The following NLRP4 variants were observed in gnomAD, a reference collection of about 807,000 sequenced individuals.
The protein encoded by NLRP4 is NLR family pyrin domain containing 4, also known as NACHT, LRR and PYD domains-containing protein 4.
Under a neutral mutation model 84.7 loss-of-function variants are expected in NLRP4, and 44 were observed. The observed-to-expected ratio is 0.52, with a 90% CI of 0.41 to 0.67. NLRP4 has a LOEUF of 0.67. NLRP4 is among the 30% of genes least tolerant of loss of function. The pLI is 0.00. For missense variants in NLRP4, 1,260 were observed against 1,219.4 expected (o/e 1.03, Z -0.50); for synonymous variants, 544 against 476.4 (o/e 1.14, Z -1.85).
At chr19:55,843,843 C>G (rs925530148) in intron 1 of NLRP4, among the ~76,000 whole-genome samples, 1 of 152,094 alleles carries the variant, frequency 6.6e-6, no homozygotes. Flanking sequence ...TCCACAGTCT[C>G]TTTTCTCCTT....
chr19:55,857,590 G>T (rs1439705580), intron 2 of NLRP4, 84 bp from the exon 3 acceptor site: 1 of 1,324,910 alleles, frequency 7.5e-7, no homozygotes, highest in East Asian at 2.3e-5. Flanking sequence ...CCCCTGGAAA[G>T]ATACATCCTG....
At chr19:55,876,896 C>T (rs16986758) in intron 7 of NLRP4, 100 bp from the exon 8 acceptor site, 147,877 of 908,300 alleles carry the variant, frequency 0.16, 12,811 homozygotes, top group Middle Eastern at 0.24. Flanking sequence ...CGGTGCCTAT[C>T]CACATGAATG....
At position 55,858,908 on chromosome 19, in the gene NLRP4, C is replaced by T; in HGVS notation, c.1515C>T (p.Gly505=). ...TTTTTTTGGGGTGTTTTCTAACTGG[C>T]CTTTTAAATAAAAAGGAACAAGAAA... ...HWIFLGCFLT[G]LLNKKEQEKL... Residue 505 remains glycine, a synonymous_variant, in exon 3 of 10, where the codon GGC becomes GGT. Transcript: ENST00000301295. This position sits in a 1 kb window ranked among gnomAD's most constrained non-coding sequence, Gnocchi z 4.2. The T allele has an allele frequency of 6.2e-7, 1 of 1,614,032 alleles. No homozygotes were observed. Among genetic ancestry groups the T allele is most frequent in the East Asian group, 2.2e-5 (1 of 44,890 alleles).
At chr19:55,859,276 T>C (rs778454616) in intron 3 of NLRP4, 27 bp downstream of exon 3, 12 of 1,552,080 alleles carry the variant, frequency 7.7e-6, no homozygotes, top group Non-Finnish European at 9.6e-6. Flanking sequence ...ACTTTTTCTC[T>C]CTTCTCAGAA....
chr19:55,859,236 G>GAACACAGC lies in NLRP4; in HGVS notation c.1844_1851dup (p.Ser618AsnfsTer42). ...TCAAAATGTCTTTAAGAAAGAGGAT[G>GAACACAGC]AACACAGCTCTACGTGAGTCCATCC... On this transcript the variant is annotated frameshift_variant, in exon 3 of 10. Transcript: ENST00000301295. LOFTEE classifies it high-confidence loss of function. 6.2e-7 allele frequency: 1 copy of GAACACAGC among 1,602,316 alleles called. No homozygotes were observed. Among genetic ancestry groups the GAACACAGC allele is most frequent in the Non-Finnish European group, 8.5e-7 (1 of 1,170,464 alleles).
intron 1 of NLRP4, among the ~76,000 whole-genome samples, chr19:55,851,719 C>T (rs144869932): frequency 7.2e-5 from 11 of 151,838 alleles, no homozygotes; most frequent in African/African-American, 2.4e-5. Context: ...TCCGAGGCTG[C>T]GGTGTAATTT....
chr19:55,859,891 C>T (rs548861426), intron 3 of NLRP4, among the ~76,000 whole-genome samples: 1 of 140,366 alleles, frequency 7.1e-6, no homozygotes, highest in Admixed American at 7.4e-5. Flanking sequence ...CGCACCACTG[C>T]CCTCCAGGCT....
chr19:55,858,304 A>C lies in NLRP4; in HGVS notation c.911A>C (p.Glu304Ala). 1 of 1,614,188 alleles carries C rather than the reference A, an allele frequency of 6.2e-7. No individual in the cohort carries two copies. Among genetic ancestry groups the C allele is most frequent in the Non-Finnish European group, 8.5e-7 (1 of 1,180,036 alleles). Residue 304 changes from glutamate (E) to alanine (A), a missense_variant, in exon 3 of 10, where the codon GAG becomes GCG. Transcript: ENST00000301295. This position sits in a 1 kb window ranked among gnomAD's most constrained non-coding sequence, Gnocchi z 4.2. ...ATCTACCAGCCCCGGGGATTCAACG[A>C]GAGTGATAGGTTAGTGTATTTCTGC... ...SEIYQPRGFN[E>A]SDRLVYFCCF...
At chr19:55,871,605 G>T (rs1334173561) in intron 7 of NLRP4, among the ~76,000 whole-genome samples, 1 of 152,128 alleles carries the variant, frequency 6.6e-6, no homozygotes, top group East Asian at 1.9e-4. Flanking sequence ...GAAAAATACA[G>T]AGGCTTCTGA....
chr19:55,868,784 G>A (rs1245037218), intron 6 of NLRP4, among the ~76,000 whole-genome samples: 1 of 152,164 alleles, frequency 6.6e-6, no homozygotes, highest in Non-Finnish European at 1.5e-5. Context: ...AATATAGGCT[G>A]CCTGTGAGAA....
chr19:55,869,278 C>T (rs1188841708), intron 6 of NLRP4, among the ~76,000 whole-genome samples: 7 of 151,968 alleles, frequency 4.6e-5, no homozygotes, highest in African/African-American at 7.2e-5. Flanking sequence ...GCTGGAGAAT[C>T]GCTTGAACCT....
intron 7 of NLRP4, among the ~76,000 whole-genome samples, chr19:55,875,055 C>A: frequency 6.6e-6 from 1 of 152,110 alleles, no homozygotes; most frequent in Admixed American, 6.5e-5. Context: ...TGAATTAAGA[C>A]ATACAATTCT....
At position 55,878,954 on chromosome 19, in the gene NLRP4, C is replaced by A. The variant is rs1175537081; in HGVS notation, c.2857C>A (p.Gln953Lys). The A allele has an allele frequency of 1.9e-6, 3 of 1,612,708 alleles. No individual in the cohort carries two copies. The highest frequency in any genetic ancestry group is 1.7e-5 in the Admixed American group (1 of 59,900). Residue 953 changes from glutamine to lysine, a missense_variant, in exon 9 of 10, where the codon CAG (glutamine) becomes AAG (lysine). By Grantham distance (53) the Gln-to-Lys change is moderately conservative (BLOSUM62 1). Coordinates refer to ENST00000301295, the MANE Select transcript of NLRP4 (RefSeq NM_134444.5). ...CCTGAGACACCCAGAGTGTGCCCTG[C>A]AGGTGCTCGGGTGAGCTGGGGTCTG... ...EALRHPECAL[Q>K]VLGLRKTDFD... is the part of the protein sequence containing the mutation.
intron 5 of NLRP4, among the ~76,000 whole-genome samples, chr19:55,867,123 C>G (rs302428): frequency 1.4e-5 from 2 of 147,976 alleles, no homozygotes; most frequent in African/African-American, 5.0e-5. Flanking sequence ...ATAACTGAGA[C>G]GGTGCATCTC....
chr19:55,867,054 G>C (rs1685649958), intron 5 of NLRP4, among the ~76,000 whole-genome samples: 1 of 151,166 alleles, frequency 6.6e-6, no homozygotes, highest in African/African-American at 2.4e-5. Flanking sequence ...ATATAACTGA[G>C]ACGGTGCATC....
intron 7 of NLRP4, among the ~76,000 whole-genome samples, chr19:55,874,690 C>T (rs1429069191): frequency 2.0e-5 from 3 of 152,142 alleles, no homozygotes; most frequent in Non-Finnish European, 2.9e-5. Context: ...AATAATTCCA[C>T]TCTTACATCA....
At position 55,878,838 on chromosome 19, in the gene NLRP4, C is replaced by G. The variant is rs769137352; in HGVS notation, c.2741C>G (p.Ala914Gly). The G allele has an allele frequency of 1.2e-6, 2 of 1,613,708 alleles. No individual in the cohort carries two copies. The highest frequency in any genetic ancestry group is 1.7e-4 in the Middle Eastern group (1 of 6,060). The change falls in exon 9 of 10, where the codon GCG becomes GGG. Residue 914 changes from alanine (A) to glycine (G), a missense_variant. Transcript: ENST00000301295. ...ACGAGCACCTGCTGTAAGGATCTCG[C>G]GTCTGTTCTCACCTGCAGTAAGACC... Reference protein sequence around the residue: ...GLTSTCCKDLASVLTCSKTLQ... With the variant: ...GLTSTCCKDLGSVLTCSKTLQ...
At chr19:55,859,288 C>T (rs201769660) in intron 3 of NLRP4, 39 bp downstream of exon 3, 5 of 1,521,964 alleles carry the variant, frequency 3.3e-6, no homozygotes, top group African/African-American at 1.4e-5. Context: ...TTCTCAGAAT[C>T]TGTCTGTATT....
chr19:55,869,789 A>C (rs1985103210), intron 6 of NLRP4, among the ~76,000 whole-genome samples: 1 of 151,536 alleles, frequency 6.6e-6, no homozygotes. Flanking sequence ...ATCCTTAAAA[A>C]AAAAAAATTC....
Sources: gnomAD v4.1 joint callset for allele counts (sites outside exome capture counted in the v4.1 genomes callset) on GRCh38, gnomAD v4.1.1 for gene constraint, Gnocchi (gnomAD v3.1) non-coding constraint, MANE v1.5 for transcripts, NCBI Gene and HGNC (gene_info 2026-07-23, HGNC 2026-07-21) for gene names.